OR5AN1: variants seen among roughly 807,000 people sequenced by gnomAD.
OR5AN1 encodes olfactory receptor family 5 subfamily AN member 1, also known as olfactory receptor 5AN1.
For synonymous variants in OR5AN1, 167 were observed against 131.8 expected (o/e 1.27, Z -1.83); for missense variants, 476 against 368.9 (o/e 1.29, Z -2.38).
intron 1 of OR5AN1, among the ~76,000 whole-genome samples, chr11:59,361,912 A>T (rs1857468054): frequency 6.6e-6 from 1 of 152,152 alleles, no homozygotes; most frequent in Non-Finnish European, 1.5e-5. Flanking sequence ...ATAAAGAAGA[A>T]AATCAAAATG....
chr11:59,366,137 G>A lies in OR5AN1; in HGVS notation c.*743G>A, dbSNP rs960088952. 8 of 152,182 alleles carry A rather than the reference G, an allele frequency of 5.3e-5. No individual in the cohort carries two copies. The highest frequency in any genetic ancestry group is 4.1e-4 in the South Asian group (2 of 4,834). 9.4% of individuals were successfully genotyped at this position (152,182 alleles called of 1,614,324 possible). A position where few individuals can be genotyped will look rare whatever the true frequency, so the allele number is the denominator to read the frequency against. On this transcript the variant is annotated 3_prime_UTR_variant, in exon 2 of 2. Transcript: ENST00000641998. ...TATTTACTTATGAGTCTGATGATTT[G>A]ATTTCTTGTATCTAGAGTCTAGTGG...
In OR5AN1 at chr11:59,364,790, G is replaced by A. The variant is rs1194760910; in HGVS notation, c.332G>A (p.Ser111Asn). 3.1e-6 allele frequency: 5 copies of A among 1,613,948 alleles called. No individual in the cohort carries two copies. Among genetic ancestry groups the A allele is most frequent in the East Asian group, 2.2e-5 (1 of 44,870 alleles). The change falls in exon 2 of 2, where the codon AGT becomes AAT. Residue 111 changes from serine to asparagine, a missense_variant. By Grantham distance (46) the Ser-to-Asn change is conservative. Coordinates refer to ENST00000641998, the MANE Select transcript of OR5AN1 (RefSeq NM_001004729.2). ...QYFIFSTMGL[S>N]ESCLMTAMAY... ...TTTATCTTTTCAACGATGGGACTGA[G>A]TGAGTCTTGTCTCATGACAGCCATG...
rs1372092680 is a variant in OR5AN1 at position 59,365,403 on chromosome 11, A to G, written c.*9A>G. ...AGAGAAAGTGCTGCTGAGTTTACAG[A>G]TTCTGAGATTTCTGCCAGATATGGC... On this transcript the variant is annotated 3_prime_UTR_variant, in exon 2 of 2. Transcript: ENST00000641998. The G allele has an allele frequency of 4.6e-6, 7 of 1,524,946 alleles. No individual in the cohort carries two copies. The highest frequency in any genetic ancestry group is 6.2e-6 in the Non-Finnish European group (7 of 1,123,488). 94.5% of individuals were successfully genotyped at this position (1,524,946 alleles called of 1,614,324 possible). A position where few individuals can be genotyped will look rare whatever the true frequency, so the allele number is the denominator to read the frequency against.
Position 59,368,217 on chromosome 11 carries a change from A to C in OR5AN1, c.*2823A>C, listed in dbSNP as rs1478837378. On this transcript the variant is annotated 3_prime_UTR_variant, in exon 2 of 2. Coordinates refer to ENST00000641998, the MANE Select transcript of OR5AN1 (RefSeq NM_001004729.2). ...ACACCTCCAGGTTCTGGGAAATCTG[A>C]GGTGACCAGGTACTGGAGCAGCCCC... is the stretch of plus-strand genomic sequence containing the variant. 6.6e-6 allele frequency: 1 copy of C among 152,328 alleles called. No individual in the cohort carries two copies. The highest frequency in any genetic ancestry group is 1.5e-5 in the Non-Finnish European group (1 of 68,168). The allele number at this position is 152,328 out of a possible 1,614,324, so 9.4% of individuals were successfully genotyped here. A position where few individuals can be genotyped will look rare whatever the true frequency, so the allele number is the denominator to read the frequency against.
At chr11:59,363,078 C>T (rs552500113) in intron 1 of OR5AN1, among the ~76,000 whole-genome samples, 27 of 152,342 alleles carry the variant, frequency 1.8e-4, no homozygotes, top group Admixed American at 3.3e-4. Flanking sequence ...CATGAATTTC[C>T]TCAAATTAAC....
At chr11:59,362,809 C>G (rs1005063673) in intron 1 of OR5AN1, among the ~76,000 whole-genome samples, 2 of 152,180 alleles carry the variant, frequency 1.3e-5, no homozygotes, top group Admixed American at 6.5e-5. Context: ...CTGATTGAAT[C>G]TACCAAAAAA....
intron 1 of OR5AN1, among the ~76,000 whole-genome samples, chr11:59,364,051 C>T (rs2134483634): frequency 6.6e-6 from 1 of 152,326 alleles, no homozygotes; most frequent in East Asian, 1.9e-4. Context: ...GCATGAGCCA[C>T]TACGCCCAGC....
rs775469815 is a variant in OR5AN1 at position 59,364,914 on chromosome 11, TG to T, written c.458del (p.Gly153AlafsTer34). 1 of 1,614,154 alleles carries T rather than the reference TG, an allele frequency of 6.2e-7. No homozygotes were observed. The highest frequency in any genetic ancestry group is 1.7e-5 in the Admixed American group (1 of 60,020). ...VWMVLGAYMT[G>X]LTASLFQIGA... Reference sequence around the variant, plus strand: ...GGATGGTACTGGGAGCCTACATGACTGGCCTCACTGCTTCTTTATTCCAAAT... The same window carrying T: ...GGATGGTACTGGGAGCCTACATGACTGCCTCACTGCTTCTTTATTCCAAAT... On this transcript the variant is annotated frameshift_variant, in exon 2 of 2. Transcript: ENST00000641998. LOFTEE classifies it low-confidence loss of function (END_TRUNC).
Position 59,371,269 on chromosome 11 carries a change from A to G in OR5AN1, c.*5875A>G, listed in dbSNP as rs569270663. The G allele has an allele frequency of 6.6e-6, 1 of 152,278 alleles. No individual in the cohort carries two copies. The highest frequency in any genetic ancestry group is 2.1e-4 in the South Asian group (1 of 4,810). The allele number at this position is 152,278 out of a possible 1,614,324, so 9.4% of individuals were successfully genotyped here. On this transcript the variant is annotated 3_prime_UTR_variant, in exon 2 of 2. Transcript: ENST00000641998. ...TTTAATCAGTACTCAAAAACATAGT[A>G]TGAGTGCAAAAATGTTCACTGATTT...
chr11:59,361,831 G>A lies in OR5AN1; in HGVS notation c.-14+2559G>A, dbSNP rs183055978. 1.3e-3 allele frequency among the ~76,000 whole-genome samples: 190 copies of A among 151,778 alleles called. 4 individuals carry two copies. The highest frequency in any genetic ancestry group is 4.9e-4 in the Non-Finnish European group (33 of 67,980). ...CTCCCCCTTTCTCCACCCTATTAAT[G>A]ATTTTTACATTTAATAATATTTTTA... On this transcript the variant is annotated intron_variant, in intron 1 of 1. Coordinates refer to ENST00000641998, the MANE Select transcript of OR5AN1 (RefSeq NM_001004729.2).
chr11:59,370,023 T>G lies in OR5AN1; in HGVS notation c.*4629T>G, dbSNP rs1283518074. ...TATCTAGCCAAACTAAGCTCCTAAGTGAAGGAATAATACAATCCTTCTCAG... is the reference window on the plus strand; with the variant it reads ...TATCTAGCCAAACTAAGCTCCTAAGGGAAGGAATAATACAATCCTTCTCAG... On this transcript the variant is annotated 3_prime_UTR_variant, in exon 2 of 2. Coordinates refer to ENST00000641998, the MANE Select transcript of OR5AN1 (RefSeq NM_001004729.2). 1 of 152,158 alleles carries G rather than the reference T, an allele frequency of 6.6e-6. No individual in the cohort carries two copies. Among genetic ancestry groups the G allele is most frequent in the Non-Finnish European group, 1.5e-5 (1 of 68,026 alleles). The allele number at this position is 152,158 out of a possible 1,614,324, so 9.4% of individuals were successfully genotyped here.
At chr11:59,362,925 T>A (rs947259314) in intron 1 of OR5AN1, among the ~76,000 whole-genome samples, 2 of 152,236 alleles carry the variant, frequency 1.3e-5, no homozygotes, top group Non-Finnish European at 2.9e-5. Context: ...ACTGACCTAG[T>A]GTACCCAAAG....
At chr11:59,360,059 T>A (rs1857447211) in intron 1 of OR5AN1, 1 of 152,234 alleles carries the variant, frequency 6.6e-6, no homozygotes, top group Admixed American at 6.5e-5. Context: ...CCAGAGTTTT[T>A]TCTCTTTTTC....
At chr11:59,362,130 C>A (rs1014101368) in intron 1 of OR5AN1, among the ~76,000 whole-genome samples, 2 of 152,054 alleles carry the variant, frequency 1.3e-5, no homozygotes, top group African/African-American at 2.4e-5. Context: ...CATCAGTGGT[C>A]ATATGAGTGC....
At chr11:59,361,971 AGTGTGTGTGTGTTT>A (rs1207339253) in intron 1 of OR5AN1, among the ~76,000 whole-genome samples, 1 of 150,990 alleles carries the variant, frequency 6.6e-6, no homozygotes, top group African/African-American at 2.4e-5. Flanking sequence ...GTTTGTAAGG[AGTGTGTGTGTGTTT>A]GTGTGTGTGT....
intron 1 of OR5AN1, among the ~76,000 whole-genome samples, chr11:59,360,906 C>A (rs1857455331): frequency 6.6e-6 from 1 of 152,082 alleles, no homozygotes; most frequent in African/African-American, 2.4e-5. Flanking sequence ...GTGAAAGAAC[C>A]ATTTATTAAT....
At chr11:59,364,197 A>T (rs1857496540) in intron 1 of OR5AN1, among the ~76,000 whole-genome samples, 1 of 152,184 alleles carries the variant, frequency 6.6e-6, no homozygotes, top group South Asian at 2.1e-4. Flanking sequence ...TATTTTTTAA[A>T]AATTACCAGT....
chr11:59,360,688 TTTCTG>T (rs928779980), intron 1 of OR5AN1, among the ~76,000 whole-genome samples: 9 of 152,184 alleles, frequency 5.9e-5, no homozygotes, highest in Non-Finnish European at 1.3e-4. Flanking sequence ...AGTGTTTGGT[TTTCTG>T]TTCCTGCACT....
rs764202357 is a variant in OR5AN1, at chr11:59,365,343, C to G, written c.885C>G (p.Asn295Lys). 32 of 1,609,046 alleles carry G rather than the reference C, an allele frequency of 2.0e-5. No individual in the cohort carries two copies. The South Asian group carries it at 3.1e-4, about 16-fold the overall frequency. Residue 295 changes from asparagine (N) to lysine (K), a missense_variant, in exon 2 of 2, where the codon AAC (asparagine) becomes AAG (lysine). Asn to Lys is a moderately conservative substitution (Grantham distance 94). Coordinates refer to ENST00000641998, the MANE Select transcript of OR5AN1 (RefSeq NM_001004729.2). ...ATCCCTTGATTTACAGTTTGAGGAACAAAGAAATTAAAGATGCCTTAAAGA... is the reference window on the plus strand; with the variant it reads ...ATCCCTTGATTTACAGTTTGAGGAAGAAAGAAATTAAAGATGCCTTAAAGA... Reference protein sequence around the residue: ...MLNPLIYSLRNKEIKDALKRL... With the variant: ...MLNPLIYSLRKKEIKDALKRL...
Sources: gnomAD v4.1 joint callset for allele counts (sites outside exome capture counted in the v4.1 genomes callset) on GRCh38, gnomAD v4.1.1 for gene constraint, MANE v1.5 for transcripts, NCBI Gene and HGNC (gene_info 2026-07-23, HGNC 2026-07-21) for gene names.